ZNF536: variants seen among roughly 807,000 people sequenced by gnomAD.
The protein encoded by ZNF536 is zinc finger protein 536.
In ZNF536, 13 loss-of-function variants were observed where a neutral mutation model predicts 84.5. The ratio of observed to expected loss-of-function variants is 0.15; its 90% CI spans 0.10 to 0.24. The LOEUF (loss-of-function observed/expected upper bound fraction) is 0.24, where lower values mean the gene tolerates loss of function less well. ZNF536 is among the 10% of genes least tolerant of loss of function. The probability of loss-of-function intolerance (pLI) is 1.00; values close to 1 mark genes in which losing one functional copy is unlikely to be tolerated. For missense variants in ZNF536, 1,536 were observed against 1,747.5 expected (o/e 0.88, Z 2.16); for synonymous variants, 811 against 742.5 (o/e 1.09, Z -1.50).
At chr19:30,311,280 T>C (rs1490156820) in intron 2 of ZNF536, among the ~76,000 whole-genome samples, 1 of 152,202 alleles carries the variant, frequency 6.6e-6, no homozygotes, top group Non-Finnish European at 1.5e-5. Flanking sequence ...GGACTGGTTA[T>C]AAGGGCCCTG....
intron 2 of ZNF536, among the ~76,000 whole-genome samples, chr19:30,524,058 A>G (rs2044474512): frequency 6.6e-6 from 1 of 152,206 alleles, no homozygotes; most frequent in Non-Finnish European, 1.5e-5. Context: ...AGGCCAGCCA[A>G]TCCGACGGCG....
At chr19:30,386,898 C>T (rs1018237604) in intron 1 of ZNF536, among the ~76,000 whole-genome samples, 5 of 152,208 alleles carry the variant, frequency 3.3e-5, no homozygotes, top group Non-Finnish European at 5.9e-5. Context: ...TGCTTGTCTG[C>T]GGGTCGCCGG....
At chr19:30,294,597 A>G (rs1264763802) in intron 2 of ZNF536, among the ~76,000 whole-genome samples, 2 of 149,028 alleles carry the variant, frequency 1.3e-5, no homozygotes, top group Non-Finnish European at 3.0e-5. Flanking sequence ...GTGTATTTAA[A>G]CATGACTTCA....
chr19:30,355,530 A>G (rs2048065988), intron 3 of ZNF536, among the ~76,000 whole-genome samples: 2 of 151,916 alleles, frequency 1.3e-5, no homozygotes, highest in East Asian at 1.9e-4. Context: ...TAGGACTACA[A>G]GTGCCTCCCA....
At chr19:30,436,539 G>T (rs1293581819) in intron 1 of ZNF536, 2 of 983,774 alleles carry the variant, frequency 2.0e-6, no homozygotes, top group Non-Finnish European at 1.2e-6. Flanking sequence ...GAAATCTCTG[G>T]TTTATTTTTG....
At chr19:30,382,378 A>G (rs1421767471) in intron 1 of ZNF536, among the ~76,000 whole-genome samples, 3 of 152,188 alleles carry the variant, frequency 2.0e-5, no homozygotes, top group Non-Finnish European at 4.4e-5. Context: ...TTTCTCCAAG[A>G]CATTTGGGTG....
intron 2 of ZNF536, among the ~76,000 whole-genome samples, chr19:30,287,674 A>G (rs112949825): frequency 4.4e-3 from 340 of 77,792 alleles, no homozygotes; most frequent in African/African-American, 0.02. Context: ...GGGTGGGTGG[A>G]TGGATGGATG....
At chr19:30,504,264 CTCCCTCCCTCCCTCTA>C (rs2055066258) in intron 2 of ZNF536, among the ~76,000 whole-genome samples, 2 of 146,704 alleles carry the variant, frequency 1.4e-5, no homozygotes, top group South Asian at 4.4e-4. Flanking sequence ...CCTGCCTTTC[CTCCCTCCCTCCCTCTA>C]TCCCTCCCTC....
At chr19:30,439,041 C>T (rs186686741) in intron 1 of ZNF536, among the ~76,000 whole-genome samples, 1 of 152,252 alleles carries the variant, frequency 6.6e-6, no homozygotes, top group East Asian at 1.9e-4. Context: ...CAGCTGGATT[C>T]AATCCTTTAA....
At chr19:30,586,397 G>T (rs1399529404) in intron 1 of ZNF536, among the ~76,000 whole-genome samples, 2 of 152,214 alleles carry the variant, frequency 1.3e-5, no homozygotes, top group African/African-American at 2.4e-5. Flanking sequence ...TAAGTCCTAA[G>T]GTCAACCTTC....
intron 1 of ZNF536, among the ~76,000 whole-genome samples, chr19:30,637,731 G>T (rs1339855837): frequency 6.6e-6 from 1 of 152,084 alleles, no homozygotes; most frequent in East Asian, 1.9e-4. Context: ...TCTCTTTTGA[G>T]ATACTTGGCG....
chr19:30,245,798 G>A (rs1216421483), intron 1 of ZNF536, among the ~76,000 whole-genome samples: 1 of 152,224 alleles, frequency 6.6e-6, no homozygotes, highest in African/African-American at 2.4e-5. Context: ...TTTGGCCTCG[G>A]GGGCCTTTTC....
chr19:30,487,017 A>G (rs748632124), intron 2 of ZNF536, among the ~76,000 whole-genome samples: 1 of 152,220 alleles, frequency 6.6e-6, no homozygotes, highest in Non-Finnish European at 1.5e-5. Flanking sequence ...AACAAATATT[A>G]AAAACTGAAA....
intron 2 of ZNF536, among the ~76,000 whole-genome samples, chr19:30,527,680 T>C (rs1487729120): frequency 6.6e-6 from 1 of 152,040 alleles, no homozygotes; most frequent in East Asian, 1.9e-4. Flanking sequence ...AGTAATGTTA[T>C]AATTTTCATG....
intron 2 of ZNF536, among the ~76,000 whole-genome samples, chr19:30,341,656 G>A (rs1317778767): frequency 6.6e-6 from 1 of 151,806 alleles, no homozygotes; most frequent in African/African-American, 2.4e-5. Flanking sequence ...AACTTGCAGA[G>A]ATTTTTTTTT....
At position 30,701,458 on chromosome 19, in the gene ZNF536, AAC is replaced by A. The variant is rs1389614408; in HGVS notation, c.170-9293_170-9292del. On this transcript the variant is annotated intron_variant, in intron 1 of 1. Transcript: ENST00000592773. Reference sequence around the variant, plus strand: ...ACAGACACAAACACACAGAAACACAAACACACAAACACACACAGACACACACA... The same window carrying A: ...ACAGACACAAACACACAGAAACACAAACACAAACACACACAGACACACACA... 1.2e-4 allele frequency among the ~76,000 whole-genome samples: 15 copies of A among 120,090 alleles called. No homozygotes were observed. In the East Asian group the frequency reaches 2.3e-3, roughly 18 times the overall value. 78.8% of individuals were successfully genotyped at this position (120,090 alleles called of 152,430 possible).
intron 2 of ZNF536, among the ~76,000 whole-genome samples, chr19:30,336,199 A>C (rs1488262387): frequency 6.6e-6 from 1 of 152,194 alleles, no homozygotes. Context: ...GGGGGACTTG[A>C]GTCCAGCTGG....
intron 2 of ZNF536, among the ~76,000 whole-genome samples, chr19:30,288,192 G>A (rs2045715417): frequency 6.6e-6 from 1 of 152,230 alleles, no homozygotes; most frequent in African/African-American, 2.4e-5. Context: ...TTCAAAGTAG[G>A]ATGTGGATGA....
chr19:30,517,734 A>G (rs2044142697), intron 2 of ZNF536, among the ~76,000 whole-genome samples: 1 of 152,144 alleles, frequency 6.6e-6, no homozygotes, highest in Admixed American at 6.5e-5. Context: ...GTGAGCCATG[A>G]TCACACCACT....
Sources: gnomAD v4.1 joint callset for allele counts (sites outside exome capture counted in the v4.1 genomes callset) on GRCh38, gnomAD v4.1.1 for gene constraint, MANE v1.5 for transcripts, NCBI Gene and HGNC (gene_info 2026-07-23, HGNC 2026-07-21) for gene names.